The following LRRC37A2 variants were observed in gnomAD, a reference collection of about 807,000 sequenced individuals.
LRRC37A2 encodes the protein leucine rich repeat containing 37 member A2.
LRRC37A2 carries 9 observed loss-of-function variants against 68.8 expected under a neutral mutation model. The ratio of observed to expected loss-of-function variants is 0.13; its 90% CI spans 0.08 to 0.23. The LOEUF (loss-of-function observed/expected upper bound fraction) is 0.23. Ranked by LOEUF, LRRC37A2 falls within the 10% of genes least tolerant of loss-of-function variation. The pLI, the probability that LRRC37A2 is intolerant of heterozygous loss-of-function variation, is 1.00. For missense variants in LRRC37A2, 168 were observed against 950.4 expected, an observed-to-expected ratio of 0.18 and a Z score of 10.82; for synonymous variants, 63 against 367.6, an observed-to-expected ratio of 0.17 and a Z score of 9.48.
chr17:46,806,967 C>T, the LRRC37A2 span, among the ~76,000 whole-genome samples: 2 of 152,164 alleles, frequency 1.3e-5, no homozygotes, highest in Admixed American at 6.5e-5. Context: ...GTGGCAATAG[C>T]ACCGTCGGCT....
At chr17:46,886,816 G>T in the LRRC37A2 span, 1,242 of 153,238 alleles carry the variant, frequency 8.1e-3, 12 homozygotes, top group Non-Finnish European at 0.01. Context: ...TGTTTTTTTT[G>T]TTTGTTTGTT....
chr17:46,744,056 C>A, the LRRC37A2 span, among the ~76,000 whole-genome samples: 32 of 152,256 alleles, frequency 2.1e-4, no homozygotes, highest in South Asian at 6.2e-3. Flanking sequence ...GGATAACCTT[C>A]CTAGATAACC....
chr17:46,935,913 T>A, the LRRC37A2 span: 1 of 985,836 alleles, frequency 1.0e-6, no homozygotes, highest in Non-Finnish European at 1.2e-6. Context: ...TGTGGTCCCC[T>A]GTGAATGAAG....
At chr17:46,894,655 T>A in the LRRC37A2 span, among the ~76,000 whole-genome samples, 1 of 152,166 alleles carries the variant, frequency 6.6e-6, no homozygotes, top group South Asian at 2.1e-4. Context: ...GGCTGCCGCC[T>A]GCCACCAGGT....
chr17:46,499,311 CAAA>C, the LRRC37A2 span, among the ~76,000 whole-genome samples: 114 of 60,460 alleles, frequency 1.9e-3, no homozygotes, highest in South Asian at 4.8e-3. Flanking sequence ...GACTCCAGCT[CAAA>C]AAAAAAAAAA....
the LRRC37A2 span, among the ~76,000 whole-genome samples, chr17:46,983,689 T>TAA: frequency 2.2e-4 from 33 of 152,324 alleles, no homozygotes; most frequent in African/African-American, 7.2e-4. Context: ...GAAAGGTAAG[T>TAA]GTGTTTGTTA....
At chr17:46,758,195 A>G in the LRRC37A2 span, among the ~76,000 whole-genome samples, 3 of 152,234 alleles carry the variant, frequency 2.0e-5, no homozygotes, top group African/African-American at 7.2e-5. Context: ...TTTCTGAGCT[A>G]TCAGATCTCT....
chr17:46,985,381 G>T, the LRRC37A2 span, among the ~76,000 whole-genome samples: 1 of 152,046 alleles, frequency 6.6e-6, no homozygotes, highest in Non-Finnish European at 1.5e-5. Context: ...TTAGCTGGGC[G>T]TGGTGGTGCA....
chr17:46,958,109 T>C, the LRRC37A2 span, among the ~76,000 whole-genome samples: 1 of 152,166 alleles, frequency 6.6e-6, no homozygotes, highest in Non-Finnish European at 1.5e-5. Flanking sequence ...CTCTCCCCAT[T>C]TGTGCAGGAC....
the LRRC37A2 span, among the ~76,000 whole-genome samples, chr17:47,004,820 G>A: frequency 6.6e-6 from 1 of 152,226 alleles, no homozygotes; most frequent in Non-Finnish European, 1.5e-5. Context: ...GTGAGCCACT[G>A]CACCTGGCCC....
At chr17:46,831,043 C>T in the LRRC37A2 span, 3 of 308,470 alleles carry the variant, frequency 9.7e-6, no homozygotes, top group East Asian at 1.0e-4. Context: ...TTATTAAGAA[C>T]AATGCAAATC....
chr17:46,485,977 C>CAAAAAA, the LRRC37A2 span, among the ~76,000 whole-genome samples: 3 of 35,756 alleles, frequency 8.4e-5, no homozygotes, highest in Non-Finnish European at 1.4e-4. Flanking sequence ...GACTCCGTCT[C>CAAAAAA]AAAAAAAAAA....
At chr17:46,743,072 C>A in the LRRC37A2 span, among the ~76,000 whole-genome samples, 228 of 152,208 alleles carry the variant, frequency 1.5e-3, no homozygotes, top group African/African-American at 5.3e-3. Flanking sequence ...GTGAGTCACC[C>A]CACTGCCATG....
At chr17:46,816,772 A>G in the LRRC37A2 span, among the ~76,000 whole-genome samples, 2 of 151,992 alleles carry the variant, frequency 1.3e-5, no homozygotes, top group Non-Finnish European at 2.9e-5. Flanking sequence ...CCTGCCACCT[A>G]TGGGCCGCCA....
chr17:46,771,328 C>T, the LRRC37A2 span, among the ~76,000 whole-genome samples: 6 of 151,950 alleles, frequency 3.9e-5, no homozygotes. Context: ...GCGCCGCTCA[C>T]TCGCCCCAAT....
the LRRC37A2 span, among the ~76,000 whole-genome samples, chr17:46,818,102 G>T: frequency 2.0e-5 from 3 of 152,028 alleles, no homozygotes; most frequent in African/African-American, 7.3e-5. Context: ...GGCAGTGAAG[G>T]AACAGGATGG....
At chr17:46,908,439 C>T in the LRRC37A2 span, among the ~76,000 whole-genome samples, 1 of 152,126 alleles carries the variant, frequency 6.6e-6, no homozygotes, top group Non-Finnish European at 1.5e-5. Flanking sequence ...GGAGGAAGGG[C>T]CCCTGACTGC....
chr17:46,825,998 C>T, the LRRC37A2 span, among the ~76,000 whole-genome samples: 1 of 152,154 alleles, frequency 6.6e-6, no homozygotes, highest in Non-Finnish European at 1.5e-5. Context: ...ACTCCAGCCT[C>T]GGCAACAAGA....
chr17:46,495,573 T>C, the LRRC37A2 span, among the ~76,000 whole-genome samples: 2 of 149,728 alleles, frequency 1.3e-5, no homozygotes, highest in Admixed American at 1.3e-4. Flanking sequence ...TTAGTAGAGA[T>C]GAGGTTTCAC....
Sources: gnomAD v4.1 joint callset for allele counts (sites outside exome capture counted in the v4.1 genomes callset) on GRCh38, gnomAD v4.1.1 for gene constraint, MANE v1.5 for transcripts, NCBI Gene and HGNC (gene_info 2026-07-23, HGNC 2026-07-21) for gene names.